SLC20A2: variants seen among roughly 807,000 people sequenced by gnomAD.
SLC20A2 encodes the protein solute carrier family 20 member 2.
Under a neutral mutation model 61.0 loss-of-function variants are expected in SLC20A2, and 30 were observed. The observed-to-expected ratio is 0.49, with a 90% CI of 0.37 to 0.67. The LOEUF is 0.67. SLC20A2 is among the 30% of genes least tolerant of loss of function. The pLI is 0.00. For synonymous variants in SLC20A2, 351 were observed against 353.3 expected, an observed-to-expected ratio of 0.99 and a Z score of 0.07; for missense variants, 626 against 866.4, an observed-to-expected ratio of 0.72 and a Z score of 3.48.
intron 1 of SLC20A2, among the ~76,000 whole-genome samples, chr8:42,522,767 C>G (rs1006820373): frequency 1.7e-5 from 1 of 60,192 alleles, no homozygotes; most frequent in African/African-American, 3.4e-5. Flanking sequence ...TGTGGTGGTG[C>G]GAGCATGGCT....
At chr8:42,436,823 C>G (rs1804301807) in intron 8 of SLC20A2, among the ~76,000 whole-genome samples, 166 bp downstream of exon 8, 2 of 152,230 alleles carry the variant, frequency 1.3e-5, no homozygotes, top group African/African-American at 4.8e-5. Flanking sequence ...TGCTCGCTGT[C>G]CCGCACGCAA....
At chr8:42,501,344 T>G (rs1040070970), upstream of SLC20A2, 2 of 152,252 alleles carry the variant, frequency 1.3e-5, no homozygotes, top group Non-Finnish European at 2.9e-5. Context: ...ATCATGATTA[T>G]GCTAATTACT....
intron 1 of SLC20A2, among the ~76,000 whole-genome samples, chr8:42,538,700 C>G (rs1812867427): frequency 6.6e-6 from 1 of 152,160 alleles, no homozygotes; most frequent in Admixed American, 6.6e-5. Context: ...CATCTGAGAG[C>G]CAAATTTTGA....
chr8:42,454,138 G>A (rs537978866), intron 5 of SLC20A2, among the ~76,000 whole-genome samples: 235 of 152,102 alleles, frequency 1.5e-3, no homozygotes, highest in Non-Finnish European at 2.8e-3. Flanking sequence ...CGAGTAGCTG[G>A]GACTACAGGT....
At chr8:42,479,268 T>C (rs1266002615) in intron 1 of SLC20A2, among the ~76,000 whole-genome samples, 1 of 152,172 alleles carries the variant, frequency 6.6e-6, no homozygotes, top group African/African-American at 2.4e-5. Context: ...AACCACAGAC[T>C]GAACATCCTT....
intron 8 of SLC20A2, among the ~76,000 whole-genome samples, chr8:42,433,552 T>C (rs1804025376): frequency 6.6e-6 from 1 of 152,172 alleles, no homozygotes; most frequent in Non-Finnish European, 1.5e-5. Flanking sequence ...CTTGATCTCC[T>C]GACCTCATGA....
At chr8:42,475,077 G>A (rs1189121539) in intron 1 of SLC20A2, among the ~76,000 whole-genome samples, 1 of 151,924 alleles carries the variant, frequency 6.6e-6, no homozygotes, top group Admixed American at 6.6e-5. Flanking sequence ...CCACCGAAGG[G>A]TTTTAATCAG....
intron 1 of SLC20A2, among the ~76,000 whole-genome samples, chr8:42,491,827 C>T (rs181337115): frequency 3.3e-5 from 5 of 152,222 alleles, no homozygotes; most frequent in African/African-American, 1.2e-4. Context: ...GCCAAGTAAC[C>T]AAATTTTAAC....
intron 1 of SLC20A2, among the ~76,000 whole-genome samples, chr8:42,526,409 C>T (rs545745665): frequency 4.0e-5 from 6 of 151,266 alleles, no homozygotes; most frequent in South Asian, 2.1e-4. Flanking sequence ...TGTGGTGGCT[C>T]ACGCCTGTAA....
chr8:42,512,881 T>A (rs983333777), intron 1 of SLC20A2, among the ~76,000 whole-genome samples: 1 of 152,248 alleles, frequency 6.6e-6, no homozygotes, highest in Admixed American at 6.5e-5. Context: ...GTTCTTTGTA[T>A]CAACTTTAAA....
chr8:42,438,602 C>G (rs1226446924), intron 7 of SLC20A2, among the ~76,000 whole-genome samples: 2 of 152,232 alleles, frequency 1.3e-5, no homozygotes, highest in African/African-American at 4.8e-5. Context: ...GTGCCAGAAC[C>G]CACCTTGCAG....
chr8:42,528,956 C>T (rs999737113), intron 1 of SLC20A2, among the ~76,000 whole-genome samples: 2 of 140,606 alleles, frequency 1.4e-5, no homozygotes, highest in Non-Finnish European at 3.1e-5. Context: ...CATGAGCCAC[C>T]GAGCCCGGCC....
intron 1 of SLC20A2, among the ~76,000 whole-genome samples, chr8:42,499,099 C>T (rs919721237): frequency 1.3e-5 from 2 of 152,154 alleles, no homozygotes; most frequent in African/African-American, 4.8e-5. Flanking sequence ...AGAGTGGCTC[C>T]AACAGGACTG....
chr8:42,492,974 C>T (rs572464162), intron 1 of SLC20A2, among the ~76,000 whole-genome samples: 1 of 152,338 alleles, frequency 6.6e-6, no homozygotes, highest in Admixed American at 6.5e-5. Context: ...AGCCACCACG[C>T]CCAGCCTTGG....
At chr8:42,525,607 A>T (rs1030384101) in intron 1 of SLC20A2, among the ~76,000 whole-genome samples, 1 of 144,852 alleles carries the variant, frequency 6.9e-6, no homozygotes, top group African/African-American at 2.6e-5. Context: ...AAAAAAAAAG[A>T]AAGTAAAATG....
At chr8:42,478,151 T>C (rs1337711287) in intron 1 of SLC20A2, among the ~76,000 whole-genome samples, 1 of 151,790 alleles carries the variant, frequency 6.6e-6, no homozygotes, top group African/African-American at 2.4e-5. Flanking sequence ...CTCAAAGTGC[T>C]GGGATCACAG....
At chr8:42,465,004 A>T (rs1173927267) in intron 3 of SLC20A2, among the ~76,000 whole-genome samples, 3 of 152,080 alleles carry the variant, frequency 2.0e-5, no homozygotes, top group Admixed American at 1.3e-4. Context: ...ACAACAAAAC[A>T]TAACAAAACA....
At chr8:42,458,613 A>G (rs1334569047) in intron 5 of SLC20A2, among the ~76,000 whole-genome samples, 3 of 147,226 alleles carry the variant, frequency 2.0e-5, no homozygotes, top group African/African-American at 7.6e-5. Flanking sequence ...ATAAAGAAAA[A>G]AAAAAAAAAA....
intron 2 of SLC20A2, among the ~76,000 whole-genome samples, chr8:42,471,614 G>T (rs1472244643): frequency 6.6e-6 from 1 of 152,098 alleles, no homozygotes; most frequent in Non-Finnish European, 1.5e-5. Context: ...AACTTCTTTA[G>T]AACTTAAACT....
Sources: gnomAD v4.1 joint callset for allele counts (sites outside exome capture counted in the v4.1 genomes callset) on GRCh38, gnomAD v4.1.1 for gene constraint, MANE v1.5 for transcripts, NCBI Gene and HGNC (gene_info 2026-07-23, HGNC 2026-07-21) for gene names.